Variants in MFN2 observed in about 807,000 individuals in gnomAD.
The protein encoded by MFN2 is mitofusin 2, also known as mitofusin-2.
Under a neutral mutation model 87.5 loss-of-function variants are expected in MFN2, and 43 were observed. The observed-to-expected ratio is 0.49, with a 90% CI of 0.38 to 0.63. The LOEUF is 0.63. Ranked by LOEUF, MFN2 falls within the 30% of genes least tolerant of loss-of-function variation. MFN2 has a pLI of 0.00. For synonymous variants in MFN2, 337 were observed against 359.9 expected (o/e 0.94, Z 0.72); for missense variants, 743 against 972.8 (o/e 0.76, Z 3.14).
Position 12,003,940 on chromosome 1 carries a change from C to G in MFN2, c.1161-52C>G, listed in dbSNP as rs201996015. On this transcript the variant is annotated intron_variant, in intron 11 of 18. Transcript: ENST00000235329. This position sits in a 1 kb window ranked among gnomAD's most constrained non-coding sequence, Gnocchi z 4.1. Reference sequence around the variant, plus strand: ...GGATTTCTGGCATCCCCTCTTGCTCCTCTGCTTAGTCAGACAGGAACATGG... The same window carrying G: ...GGATTTCTGGCATCCCCTCTTGCTCGTCTGCTTAGTCAGACAGGAACATGG... 21 of 1,613,220 alleles carry G rather than the reference C, an allele frequency of 1.3e-5. No individual in the cohort carries two copies. The highest frequency in any genetic ancestry group is 1.7e-5 in the Admixed American group (1 of 59,994).
In MFN2 at chr1:12,004,370, G is replaced by A. The variant is rs1639309122; in HGVS notation, c.1288-139G>A. 6 of 943,468 alleles carry A rather than the reference G, an allele frequency of 6.4e-6. No homozygotes were observed. In the South Asian group the frequency reaches 7.8e-5, roughly 12 times the overall value. The allele number at this position is 943,468 out of a possible 1,614,324, so 58.4% of individuals were successfully genotyped here. A position where few individuals can be genotyped will look rare whatever the true frequency, so the allele number is the denominator to read the frequency against. On this transcript the variant is annotated intron_variant, in intron 12 of 18. Transcript: ENST00000235329. The surrounding 1 kb of genome is among the most constrained non-coding windows in gnomAD (Gnocchi z 4.2). ...GTTTCCCAGACCCTCTCACTTCAGA[G>A]GCTTTAATTCCATAGAGGAGCTGAG...
rs1334649435 is a variant in MFN2, at chr1:11,980,444, G to C, written c.-190G>C. The C allele has an allele frequency of 1.3e-5, 5 of 398,102 alleles. No homozygotes were observed. In the East Asian group the frequency reaches 1.4e-4, roughly 11 times the overall value. 24.7% of individuals were successfully genotyped at this position (398,102 alleles called of 1,614,324 possible). ...CCCTGGGGTGGCGCTCGCTGGTGACGTAGTGAGTGTGATGGCCGCCGCGAG... is the reference window on the plus strand; with the variant it reads ...CCCTGGGGTGGCGCTCGCTGGTGACCTAGTGAGTGTGATGGCCGCCGCGAG... On this transcript the variant is annotated 5_prime_UTR_variant, in exon 1 of 19. Coordinates refer to ENST00000235329, the MANE Select transcript of MFN2 (RefSeq NM_014874.4).
In MFN2 at chr1:12,001,568, C is replaced by T; in HGVS notation, c.970+14C>T. On this transcript the variant is annotated intron_variant, in intron 9 of 18. Transcript: ENST00000235329. ...TGCCTGAAGGAGGTAATGATGAGAACAGATGTCCTCCTTTTCTCTGATGTT... is the reference window on the plus strand; with the variant it reads ...TGCCTGAAGGAGGTAATGATGAGAATAGATGTCCTCCTTTTCTCTGATGTT... 1.9e-6 allele frequency: 3 copies of T among 1,614,142 alleles called. No homozygotes were observed. The highest frequency in any genetic ancestry group is 2.5e-6 in the Non-Finnish European group (3 of 1,180,020).
chr1:12,007,238 C>T lies in MFN2; in HGVS notation c.2058C>T (p.His686=), dbSNP rs1040857073. ...VISYTGSNCS[H]QVQQELSGTF... Reference sequence around the variant, plus strand: ...GCTACACTGGCTCCAACTGCAGCCACCAAGTCCAGCAGTGAGTGGCCCTGT... The same window carrying T: ...GCTACACTGGCTCCAACTGCAGCCATCAAGTCCAGCAGTGAGTGGCCCTGT... The change falls in exon 17 of 19, where the codon CAC becomes CAT. Residue 686 remains histidine (H), a synonymous_variant. Coordinates refer to ENST00000235329, the MANE Select transcript of MFN2 (RefSeq NM_014874.4). 1 of 1,613,868 alleles carries T rather than the reference C, an allele frequency of 6.2e-7. No individual in the cohort carries two copies. The highest frequency in any genetic ancestry group is 8.5e-7 in the Non-Finnish European group (1 of 1,180,012).
intron 3 of MFN2, among the ~76,000 whole-genome samples, chr1:11,990,488 C>G (rs1159807967): frequency 6.6e-6 from 1 of 152,086 alleles, no homozygotes; most frequent in East Asian, 1.9e-4. Context: ...CTCTGGGAGC[C>G]CAGACTAACC....
At position 12,013,417 on chromosome 1, in the gene MFN2, T is replaced by C. The variant is rs1184982260; in HGVS notation, c.*1852T>C. 1 of 470,360 alleles carries C rather than the reference T, an allele frequency of 2.1e-6. No homozygotes were observed. Among genetic ancestry groups the C allele is most frequent in the Non-Finnish European group, 4.4e-6 (1 of 226,774 alleles). The allele number at this position is 470,360 out of a possible 1,614,324, so 29.1% of individuals were successfully genotyped here. On this transcript the variant is annotated 3_prime_UTR_variant, in exon 19 of 19. Transcript: ENST00000235329. ...AGACGTGCTGACACAGTGAGTTTTC[T>C]CTGATGTATTTAAGGTGATGTATTT...
chr1:12,007,992 C>T (rs1000514448), intron 17 of MFN2, among the ~76,000 whole-genome samples: 1 of 152,070 alleles, frequency 6.6e-6, no homozygotes, highest in African/African-American at 2.4e-5. Context: ...TTTAACAAAG[C>T]ACACCTTGCA....
At chr1:12,006,483 C>T (rs556781732) in intron 15 of MFN2, 55 bp from the exon 16 acceptor site, 57 of 1,605,814 alleles carry the variant, frequency 3.5e-5, no homozygotes, top group Non-Finnish European at 4.2e-5. Flanking sequence ...TGAGGGTTCA[C>T]GTGAATGAGA....
intron 17 of MFN2, among the ~76,000 whole-genome samples, chr1:12,008,685 G>A (rs1181266954): frequency 6.6e-6 from 1 of 152,114 alleles, no homozygotes; most frequent in Non-Finnish European, 1.5e-5. Flanking sequence ...CTTCCTAGAT[G>A]GGATGGCGGC....
At chr1:11,999,637 C>T (rs1380020678) in intron 8 of MFN2, among the ~76,000 whole-genome samples, 1 of 151,070 alleles carries the variant, frequency 6.6e-6, no homozygotes, top group Non-Finnish European at 1.5e-5. Flanking sequence ...GGATTACAGG[C>T]ATGAGCCACC....
Position 12,004,251 on chromosome 1 carries a change from G to A in MFN2, c.1287+133G>A. On this transcript the variant is annotated intron_variant, in intron 12 of 18. Transcript: ENST00000235329. The surrounding 1 kb of genome is among the most constrained non-coding windows in gnomAD (Gnocchi z 4.2). ...TGTGGCCCTGTTTCAAGAATACAGAGCTGCCGTTTGGGTTCCATTGTCGGG... is the reference window on the plus strand; with the variant it reads ...TGTGGCCCTGTTTCAAGAATACAGAACTGCCGTTTGGGTTCCATTGTCGGG... The A allele has an allele frequency of 7.9e-7, 1 of 1,270,762 alleles. No homozygotes were observed. Among genetic ancestry groups the A allele is most frequent in the Non-Finnish European group, 1.1e-6 (1 of 894,436 alleles). 78.7% of individuals were successfully genotyped at this position (1,270,762 alleles called of 1,614,324 possible).
chr1:12,003,117 G>A lies in MFN2; in HGVS notation c.1161-875G>A, dbSNP rs962906806. Among the ~76,000 whole-genome samples the A allele has an allele frequency of 6.6e-6, 1 of 152,096 alleles. No individual in the cohort carries two copies. Among genetic ancestry groups the A allele is most frequent in the African/African-American group, 2.4e-5 (1 of 41,388 alleles). On this transcript the variant is annotated intron_variant, in intron 11 of 18. Coordinates refer to ENST00000235329, the MANE Select transcript of MFN2 (RefSeq NM_014874.4). This position sits in a 1 kb window ranked among gnomAD's most constrained non-coding sequence, Gnocchi z 4.1. ...TTGCTATTGGAAACCCTACTGCAGT[G>A]GACATTTGTTCATGTGTCCCCTTGT...
intron 18 of MFN2, 72 bp downstream of exon 18, chr1:12,009,798 G>C: frequency 6.2e-7 from 1 of 1,608,500 alleles, no homozygotes; most frequent in Non-Finnish European, 8.5e-7. Flanking sequence ...CTCAGCTGCT[G>C]GGCTTGCGTC....
chr1:11,989,346 A>G lies in MFN2; in HGVS notation c.175+3A>G. ...GGAGAGCGCCACCTTCCTTGAAGGT[A>G]AGGGGGCACCGGCTCAGCCAGGCCC... On this transcript the variant is annotated splice_donor_region_variant and intron_variant, in intron 3 of 18. Transcript: ENST00000235329. The G allele has an allele frequency of 6.2e-7, 1 of 1,613,786 alleles. No homozygotes were observed. The highest frequency in any genetic ancestry group is 8.5e-7 in the Non-Finnish European group (1 of 1,179,916).
chr1:12,008,921 A>G (rs1441397017), intron 17 of MFN2, among the ~76,000 whole-genome samples: 1 of 152,252 alleles, frequency 6.6e-6, no homozygotes, highest in Non-Finnish European at 1.5e-5. Flanking sequence ...TTGAGCACTG[A>G]GTGAACGAGA....
At chr1:12,006,748 C>G in intron 16 of MFN2, 55 bp downstream of exon 16, 1 of 1,609,220 alleles carries the variant, frequency 6.2e-7, no homozygotes, top group Non-Finnish European at 8.5e-7. Flanking sequence ...TGGGCGGGGC[C>G]TGAGGGCTAG....
chr1:11,993,048 C>T (rs1175826171), intron 4 of MFN2, among the ~76,000 whole-genome samples: 1 of 151,070 alleles, frequency 6.6e-6, no homozygotes, highest in Non-Finnish European at 1.5e-5. Context: ...GCATACAATT[C>T]ACTAGTAGGT....
intron 1 of MFN2, among the ~76,000 whole-genome samples, chr1:11,980,976 G>A (rs1046365855): frequency 1.7e-4 from 26 of 152,298 alleles, no homozygotes; most frequent in African/African-American, 4.8e-4. Context: ...CACACACAGA[G>A]AAGGCACACA....
rs1639247601 is a variant in MFN2, at chr1:12,003,098, T to C, written c.1161-894T>C. Among the ~76,000 whole-genome samples the C allele has an allele frequency of 6.6e-6, 1 of 152,222 alleles. No homozygotes were observed. Among genetic ancestry groups the C allele is most frequent in the African/African-American group, 2.4e-5 (1 of 41,448 alleles). ...GGAATTTTAGATTTTTTTTTTGCTA[T>C]TGGAAACCCTACTGCAGTGGACATT... On this transcript the variant is annotated intron_variant, in intron 11 of 18. Transcript: ENST00000235329. This position sits in a 1 kb window ranked among gnomAD's most constrained non-coding sequence, Gnocchi z 4.1.
Sources: allele counts gnomAD v4.1 joint callset (sites outside exome capture counted in the v4.1 genomes callset), GRCh38; gene constraint gnomAD v4.1.1; non-coding constraint Gnocchi (gnomAD v3.1); transcripts MANE v1.5; gene names NCBI Gene and HGNC (gene_info 2026-07-23, HGNC 2026-07-21).